The following SUCO variants were observed in gnomAD, a reference collection of about 807,000 sequenced individuals.
SUCO encodes the protein SUN domain-containing ossification factor.
In SUCO, 57 loss-of-function variants were observed where a neutral mutation model predicts 148.1. The observed-to-expected ratio is 0.38, with a 90% CI of 0.31 to 0.48. The LOEUF is 0.48. Among genes scored for constraint, SUCO ranks in the 20% least tolerant of loss-of-function variants. The pLI, the probability that SUCO is intolerant of heterozygous loss-of-function variation, is 0.96. For missense variants in SUCO, 1,331 were observed against 1,468.2 expected, an observed-to-expected ratio of 0.91 and a Z score of 1.53; for synonymous variants, 470 against 502.7, an observed-to-expected ratio of 0.93 and a Z score of 0.87.
intron 19 of SUCO, among the ~76,000 whole-genome samples, chr1:172,592,149 T>A (rs186464251): frequency 5.9e-5 from 9 of 152,358 alleles, no homozygotes; most frequent in African/African-American, 2.2e-4. Flanking sequence ...CTTGTAAATT[T>A]CAGTTCTTCG....
At position 172,578,428 on chromosome 1, in the gene SUCO, T is replaced by G. The variant is rs1383737037; in HGVS notation, c.1432+39T>G. ...AACAGATGACTGTTAGGTATATTTTTTTTACTTTTTAAAAATCGAATAGTA... is the reference window on the plus strand; with the variant it reads ...AACAGATGACTGTTAGGTATATTTTGTTTACTTTTTAAAAATCGAATAGTA... On this transcript the variant is annotated intron_variant, in intron 14 of 23. Transcript: ENST00000263688. 7.0e-6 allele frequency: 11 copies of G among 1,577,654 alleles called. No homozygotes were observed. The Admixed American group carries it at 1.9e-4, about 27-fold the overall frequency.
At chr1:172,574,250 G>A (rs1051150858) in intron 10 of SUCO, among the ~76,000 whole-genome samples, 1 of 152,002 alleles carries the variant, frequency 6.6e-6, no homozygotes, top group African/African-American at 2.4e-5. Context: ...CAGAAAAGGG[G>A]AGATTAAGTG....
intron 15 of SUCO, 88 bp downstream of exon 15, chr1:172,579,355 T>C: frequency 1.3e-6 from 1 of 779,118 alleles, no homozygotes; most frequent in Non-Finnish European, 2.1e-6. Flanking sequence ...TTGAGGAGAA[T>C]TCTCCCAGTG....
chr1:172,532,397 G>T, upstream of SUCO: 1 of 1,157,200 alleles, frequency 8.6e-7, no homozygotes, highest in Non-Finnish European at 1.2e-6. Flanking sequence ...CACACTTAAA[G>T]TGAGGAACCC....
chr1:172,542,985 G>A (rs1652594329), intron 1 of SUCO: 1 of 985,178 alleles, frequency 1.0e-6, no homozygotes, highest in Admixed American at 6.1e-5. Context: ...TGGAGAGCTG[G>A]TAGGCATGAA....
At chr1:172,543,339 C>G (rs907528398) in intron 1 of SUCO, among the ~76,000 whole-genome samples, 2 of 152,094 alleles carry the variant, frequency 1.3e-5, no homozygotes, top group African/African-American at 4.8e-5. Flanking sequence ...TTTGTAGTCT[C>G]TAATTGAAAA....
At chr1:172,575,347 G>A (rs1042315108) in intron 10 of SUCO, among the ~76,000 whole-genome samples, 171 bp from the exon 11 acceptor site, 5 of 151,828 alleles carry the variant, frequency 3.3e-5, no homozygotes, top group Non-Finnish European at 5.9e-5. Context: ...AGAGAAACCC[G>A]TCAGTTCAGT....
At chr1:172,605,338 A>G (rs1657800929) in intron 22 of SUCO, among the ~76,000 whole-genome samples, 2 of 151,846 alleles carry the variant, frequency 1.3e-5, no homozygotes, top group South Asian at 2.1e-4. Context: ...ATTTTTGTAT[A>G]TAGTATAAGA....
At chr1:172,532,833 T>A, upstream of SUCO, 1 of 1,561,656 alleles carries the variant, frequency 6.4e-7, no homozygotes, top group Non-Finnish European at 8.6e-7. Flanking sequence ...TGAGGATCAC[T>A]GGGCTCCTCC....
Position 172,570,069 on chromosome 1 carries a change from TAA to T in SUCO, c.880_881del (p.Asn294TrpfsTer15). Reference sequence around the variant, plus strand: ...CAGGTCAGTCGATGCATGCATCTTCTAATGGAGGTTCACATGCCACCAAAAAG... The same window carrying T: ...CAGGTCAGTCGATGCATGCATCTTCTTGGAGGTTCACATGCCACCAAAAAG... ...EKSQSMHASS[N>X]GGSHATKKVQ... On this transcript the variant is annotated frameshift_variant, in exon 8 of 24. Transcript: ENST00000263688. LOFTEE classifies it high-confidence loss of function. 6.3e-7 allele frequency: 1 copy of T among 1,580,186 alleles called. No individual in the cohort carries two copies. The highest frequency in any genetic ancestry group is 8.6e-7 in the Non-Finnish European group (1 of 1,159,882).
intron 23 of SUCO, 142 bp downstream of exon 23, chr1:172,608,944 A>T: frequency 1.5e-6 from 1 of 673,100 alleles, no homozygotes; most frequent in Non-Finnish European, 2.5e-6. Flanking sequence ...TTGTAAATAA[A>T]TATTAACAGG....
upstream of SUCO, chr1:172,532,591 C>T: frequency 6.2e-7 from 1 of 1,613,988 alleles, no homozygotes; most frequent in Non-Finnish European, 8.5e-7. Context: ...ACACGTCATT[C>T]TAGGCCATTC....
At chr1:172,557,245 A>G (rs893068911) in intron 4 of SUCO, 35 bp from the exon 5 acceptor site, 3 of 1,601,954 alleles carry the variant, frequency 1.9e-6, no homozygotes, top group African/African-American at 2.7e-5. Flanking sequence ...AAGTTTATTT[A>G]ATTACCAGAT....
intron 19 of SUCO, among the ~76,000 whole-genome samples, chr1:172,593,264 A>C (rs1260667563): frequency 2.0e-5 from 3 of 152,112 alleles, no homozygotes; most frequent in Non-Finnish European, 4.4e-5. Flanking sequence ...AATACCCTTT[A>C]TTTCTTTCTC....
At chr1:172,568,383 T>C in intron 6 of SUCO, 1 of 947,178 alleles carries the variant, frequency 1.1e-6, no homozygotes, top group Non-Finnish European at 1.3e-6. Flanking sequence ...CTGAATGTAT[T>C]GCAGATACTT....
At chr1:172,546,481 T>A (rs1396720240) in intron 1 of SUCO, among the ~76,000 whole-genome samples, 2 of 152,174 alleles carry the variant, frequency 1.3e-5, no homozygotes, top group African/African-American at 4.8e-5. Context: ...CTTCATGATT[T>A]TCGTAGTGGC....
At chr1:172,534,933 G>T (rs1383429875) in intron 1 of SUCO, among the ~76,000 whole-genome samples, 8 of 152,204 alleles carry the variant, frequency 5.3e-5, no homozygotes, top group Non-Finnish European at 1.2e-4. Flanking sequence ...TTTCATTCAA[G>T]TTTAAAAACA....
intron 19 of SUCO, among the ~76,000 whole-genome samples, chr1:172,597,289 C>T (rs1021827174): frequency 6.6e-6 from 1 of 152,258 alleles, no homozygotes; most frequent in Admixed American, 6.5e-5. Context: ...GCTGCACCCA[C>T]TGTCCAACAA....
chr1:172,593,929 A>G (rs1656874694), intron 19 of SUCO, among the ~76,000 whole-genome samples: 1 of 152,104 alleles, frequency 6.6e-6, no homozygotes, highest in Non-Finnish European at 1.5e-5. Flanking sequence ...TTGGTAGGCT[A>G]TTAATTATTG....
Sources: allele counts gnomAD v4.1 joint callset (sites outside exome capture counted in the v4.1 genomes callset), GRCh38; gene constraint gnomAD v4.1.1; transcripts MANE v1.5; gene names NCBI Gene and HGNC (gene_info 2026-07-23, HGNC 2026-07-21).